Variants in MSH3 observed in about 807,000 individuals in gnomAD.
MSH3 encodes DNA mismatch repair protein Msh3.
A neutral mutation model predicts 123.3 loss-of-function variants in MSH3; 106 were observed. The ratio of observed to expected loss-of-function variants is 0.86; its 90% confidence interval spans 0.73 to 1.01. The LOEUF is 1.01. Ranked by LOEUF, MSH3 falls within the 50% of genes least tolerant of loss-of-function variation. MSH3 has a pLI of 0.00. For missense variants in MSH3, 1,459 were observed against 1,347.6 expected (o/e 1.08, Z -1.29); for synonymous variants, 515 against 481.4 (o/e 1.07, Z -0.91).
At chr5:80,855,873 C>CTTTTTTTTTTTT (rs5869058) in intron 21 of MSH3, 8 of 107,136 alleles carry the variant, frequency 7.5e-5, no homozygotes, top group Non-Finnish European at 1.1e-4. Flanking sequence ...TCCTCCTCCT[C>CTTTTTTTTTTTT]TTTTTTTTTT....
chr5:80,764,785 C>T (rs948008938), intron 13 of MSH3, among the ~76,000 whole-genome samples: 2 of 152,070 alleles, frequency 1.3e-5, no homozygotes, highest in African/African-American at 4.8e-5. Flanking sequence ...AAGTAACTGC[C>T]GAGGTTGGTG....
At chr5:80,693,612 CACACACACATAT>C (rs1184242542) in intron 8 of MSH3, among the ~76,000 whole-genome samples, 2 of 120,372 alleles carry the variant, frequency 1.7e-5, no homozygotes, top group South Asian at 2.5e-4. Flanking sequence ...TACATATATA[CACACACACATAT>C]ACACACACAC....
intron 4 of MSH3, among the ~76,000 whole-genome samples, chr5:80,671,929 A>G (rs1050872314): frequency 6.6e-6 from 1 of 152,180 alleles, no homozygotes; most frequent in African/African-American, 2.4e-5. Context: ...TTACAGTCTC[A>G]TGATCTCTGT....
At chr5:80,853,832 C>G (rs1745870841) in intron 20 of MSH3, among the ~76,000 whole-genome samples, 1 of 151,884 alleles carries the variant, frequency 6.6e-6, no homozygotes. Context: ...CTGTGAATAC[C>G]AAAACTTTGA....
chr5:80,852,356 C>A (rs898577290), intron 20 of MSH3, among the ~76,000 whole-genome samples: 1 of 152,028 alleles, frequency 6.6e-6, no homozygotes, highest in African/African-American at 2.4e-5. Context: ...AAAACTGTAT[C>A]CAGTGCTTGT....
intron 22 of MSH3, among the ~76,000 whole-genome samples, chr5:80,870,560 C>A (rs897691460): frequency 6.6e-6 from 1 of 152,130 alleles, no homozygotes; most frequent in African/African-American, 2.4e-5. Flanking sequence ...TACTTCCGCA[C>A]CTGTGTTTCT....
At chr5:80,700,565 G>T (rs550730188) in intron 8 of MSH3, among the ~76,000 whole-genome samples, 1 of 148,336 alleles carries the variant, frequency 6.7e-6, no homozygotes, top group East Asian at 2.0e-4. Flanking sequence ...TTTTCAGTAG[G>T]TTTTTTTTTT....
intron 2 of MSH3, among the ~76,000 whole-genome samples, chr5:80,660,694 T>A (rs1289636630): frequency 6.6e-6 from 1 of 152,206 alleles, no homozygotes; most frequent in Non-Finnish European, 1.5e-5. Context: ...TGTCTTTTTC[T>A]CTGGTTGCTT....
Position 80,665,327 on chromosome 5 carries a change from T to G in MSH3, c.543T>G (p.Val181=), listed in dbSNP as rs1580546771. The change falls in exon 3 of 24, where the codon GTT becomes GTG. Residue 181 remains valine (V), a synonymous_variant. Transcript: ENST00000265081. ...GTCTTCTACACGCAAAGAATGCAGT[T>G]TCTTCTGAAGATTCGAAACGTCAAA... ...DISLLHAKNA[V]SSEDSKRQIN... 1.4e-5 allele frequency: 23 copies of G among 1,613,272 alleles called. No individual in the cohort carries two copies. The highest frequency in any genetic ancestry group is 1.9e-5 in the Non-Finnish European group (23 of 1,179,980).
intron 23 of MSH3, among the ~76,000 whole-genome samples, chr5:80,874,496 G>T (rs1484452873): frequency 6.6e-6 from 1 of 152,082 alleles, no homozygotes; most frequent in African/African-American, 2.4e-5. Flanking sequence ...AATTTTTCCT[G>T]AGGGAAAAGT....
intron 7 of MSH3, 98 bp from the exon 8 acceptor site, chr5:80,678,829 A>C (rs1056140847): frequency 9.7e-6 from 13 of 1,336,044 alleles, no homozygotes; most frequent in Non-Finnish European, 1.2e-5. Flanking sequence ...CATACTCCTG[A>C]GTGTATCATC....
chr5:80,858,348 C>T (rs1745953301), intron 21 of MSH3, among the ~76,000 whole-genome samples: 1 of 152,210 alleles, frequency 6.6e-6, no homozygotes, highest in African/African-American at 2.4e-5. Flanking sequence ...CGCTCCTGGC[C>T]TATAAATTTT....
chr5:80,834,548 A>C (rs895968105), intron 20 of MSH3, among the ~76,000 whole-genome samples: 2 of 148,876 alleles, frequency 1.3e-5, no homozygotes, highest in Non-Finnish European at 3.0e-5. Context: ...AGAAATAATC[A>C]TTGCCTCTAC....
At position 80,858,918 on chromosome 5, in the gene MSH3, G is replaced by A. The variant is rs575667817; in HGVS notation, c.3000+4602G>A. On this transcript the variant is annotated intron_variant, in intron 21 of 23. Coordinates refer to ENST00000265081, the MANE Select transcript of MSH3 (RefSeq NM_002439.5). ...AATGCATACATGTTAAGGATATTAT[G>A]TCTTCTTGGACATAAGACATAATAT... 2.6e-5 allele frequency among the ~76,000 whole-genome samples: 4 copies of A among 152,012 alleles called. No individual in the cohort carries two copies. The South Asian group carries it at 8.3e-4, about 32-fold the overall frequency.
At chr5:80,874,615 C>G (rs1006645678) in intron 23 of MSH3, among the ~76,000 whole-genome samples, 2 of 151,804 alleles carry the variant, frequency 1.3e-5, no homozygotes, top group Non-Finnish European at 2.9e-5. Context: ...CTGAAAAAAA[C>G]CTAGAATAAA....
intron 15 of MSH3, among the ~76,000 whole-genome samples, chr5:80,773,878 C>G (rs1464954267): frequency 6.6e-6 from 1 of 152,192 alleles, no homozygotes; most frequent in Non-Finnish European, 1.5e-5. Flanking sequence ...AGTGATTCTC[C>G]TGCCTCAGCT....
intron 19 of MSH3, among the ~76,000 whole-genome samples, chr5:80,806,072 T>C (rs1233825381): frequency 6.6e-6 from 1 of 152,184 alleles, no homozygotes; most frequent in African/African-American, 2.4e-5. Flanking sequence ...CAAATTTCAG[T>C]CATTAATCAA....
intron 7 of MSH3, 139 bp downstream of exon 7, chr5:80,675,267 A>G: frequency 9.8e-7 from 1 of 1,020,168 alleles, no homozygotes. Flanking sequence ...TTTTTCTCAC[A>G]ATATTATATG....
intron 21 of MSH3, among the ~76,000 whole-genome samples, chr5:80,858,557 G>A (rs1745957678): frequency 6.6e-6 from 1 of 152,028 alleles, no homozygotes; most frequent in African/African-American, 2.4e-5. Flanking sequence ...TAATTCCATT[G>A]TGGTATGAGA....
Sources: allele counts gnomAD v4.1 joint callset (sites outside exome capture counted in the v4.1 genomes callset), GRCh38; gene constraint gnomAD v4.1.1; transcripts MANE v1.5; gene names NCBI Gene and HGNC (gene_info 2026-07-23, HGNC 2026-07-21).